The following CTNNA3 variants were observed in gnomAD, a reference collection of about 807,000 sequenced individuals.
The protein encoded by CTNNA3 is catenin alpha-3.
In CTNNA3, 76 loss-of-function variants were observed where a neutral mutation model predicts 95.7. The ratio of observed to expected loss-of-function variants is 0.79; its 90% CI spans 0.66 to 0.96. The LOEUF (loss-of-function observed/expected upper bound fraction) is 0.96. CTNNA3 is among the 40% of genes least tolerant of loss of function. CTNNA3 has a pLI of 0.00. For synonymous variants in CTNNA3, 431 were observed against 374.4 expected, an observed-to-expected ratio of 1.15 and a Z score of -1.74; for missense variants, 1,191 against 1,089.8, an observed-to-expected ratio of 1.09 and a Z score of -1.31.
chr10:67,525,032 A>G (rs776097415), intron 4 of CTNNA3, among the ~76,000 whole-genome samples: 3 of 152,190 alleles, frequency 2.0e-5, no homozygotes, highest in Non-Finnish European at 4.4e-5. Context: ...AAGTTGGGGA[A>G]AGGAAGCACA....
At chr10:67,204,160 T>A (rs1321412277) in intron 6 of CTNNA3, among the ~76,000 whole-genome samples, 1 of 152,152 alleles carries the variant, frequency 6.6e-6, no homozygotes, top group Non-Finnish European at 1.5e-5. Flanking sequence ...CTATGAAATG[T>A]CTTGATTCCT....
At chr10:66,825,768 T>C (rs530451541) in intron 7 of CTNNA3, among the ~76,000 whole-genome samples, 1 of 152,182 alleles carries the variant, frequency 6.6e-6, no homozygotes, top group Non-Finnish European at 1.5e-5. Flanking sequence ...CATCTCACTG[T>C]CCCAGGATTG....
intron 5 of CTNNA3, among the ~76,000 whole-genome samples, chr10:67,511,589 C>T (rs1412081828): frequency 2.0e-5 from 3 of 152,108 alleles, no homozygotes; most frequent in South Asian, 4.1e-4. Flanking sequence ...CTGCTGGATT[C>T]GGTTCACCAG....
chr10:66,747,725 G>A (rs1475258194), intron 9 of CTNNA3, among the ~76,000 whole-genome samples: 1 of 152,062 alleles, frequency 6.6e-6, no homozygotes, highest in Non-Finnish European at 1.5e-5. Flanking sequence ...AGTCACCTGG[G>A]CCTGTGATGA....
chr10:67,601,780 A>G lies in CTNNA3; in HGVS notation c.292+5077T>C, dbSNP rs148189872. Among the ~76,000 whole-genome samples, 405 of 152,318 alleles carry G rather than the reference A, an allele frequency of 2.7e-3. 1 individual carries two copies. The highest frequency in any genetic ancestry group is 0.01 in the Middle Eastern group (3 of 294). ...GTAAGCCATAAGATCATGAGTAACT[A>G]TAAGTATTACTTACAATGTGAACCA... On this transcript the variant is annotated intron_variant, in intron 3 of 17. Coordinates refer to ENST00000433211, the MANE Select transcript of CTNNA3 (RefSeq NM_013266.4).
intron 9 of CTNNA3, among the ~76,000 whole-genome samples, chr10:66,623,641 T>C (rs186325556): frequency 4.6e-5 from 7 of 152,216 alleles, no homozygotes; most frequent in African/African-American, 1.4e-4. Context: ...ACTCTTTTTG[T>C]CTTCATGTAT....
chr10:67,443,838 T>C (rs933746057), intron 5 of CTNNA3, among the ~76,000 whole-genome samples: 1 of 152,144 alleles, frequency 6.6e-6, no homozygotes, highest in Non-Finnish European at 1.5e-5. Flanking sequence ...TTGTTGCCAT[T>C]GCTTTTGGTG....
chr10:67,325,924 C>G (rs1841519407), intron 5 of CTNNA3, among the ~76,000 whole-genome samples: 1 of 151,814 alleles, frequency 6.6e-6, no homozygotes, highest in South Asian at 2.1e-4. Flanking sequence ...CTGGGTTGGG[C>G]ACATAGGTAT....
chr10:66,285,098 T>C (rs1331150663), intron 12 of CTNNA3, among the ~76,000 whole-genome samples: 2 of 151,698 alleles, frequency 1.3e-5, no homozygotes, highest in East Asian at 1.9e-4. Context: ...TGTCCCAAAG[T>C]ACTGACCTAC....
intron 5 of CTNNA3, among the ~76,000 whole-genome samples, chr10:67,484,972 T>A (rs1360264128): frequency 6.6e-6 from 1 of 152,110 alleles, no homozygotes; most frequent in Non-Finnish European, 1.5e-5. Flanking sequence ...ACTGAGTATA[T>A]AACCAAAAGA....
chr10:66,124,864 C>T (rs541134769), intron 13 of CTNNA3, among the ~76,000 whole-genome samples: 95 of 152,276 alleles, frequency 6.2e-4, no homozygotes, highest in Non-Finnish European at 1.1e-3. Context: ...CACTAGGTTC[C>T]TCCGATGACA....
Position 66,199,799 on chromosome 10 carries a change from ATATATATTTTT to A in CTNNA3, c.1884+80660_1884+80670del, listed in dbSNP as rs1564756444. Among the ~76,000 whole-genome samples the A allele has an allele frequency of 9.9e-3, 137 of 13,832 alleles. 5 individuals carry two copies. Among genetic ancestry groups the A allele is most frequent in the African/African-American group, 0.037 (127 of 3,420 alleles). The allele number at this position is 13,832 out of a possible 152,430, so 9.1% of individuals were successfully genotyped here. A position where few individuals can be genotyped will look rare whatever the true frequency, so the allele number is the denominator to read the frequency against. ...TATATATATATATATATATATATAT[ATATATATTTTT>A]TTTTTTTTTTTTTTTTTTTTTTTAG... On this transcript the variant is annotated intron_variant, in intron 13 of 17. Transcript: ENST00000433211.
At chr10:66,081,329 T>C (rs1303288586) in intron 14 of CTNNA3, among the ~76,000 whole-genome samples, 2 of 152,086 alleles carry the variant, frequency 1.3e-5, no homozygotes, top group Admixed American at 6.6e-5. Context: ...AGAAACAGGA[T>C]GTCCAGGCCT....
chr10:66,308,637 C>T (rs2091962846), intron 12 of CTNNA3, among the ~76,000 whole-genome samples: 1 of 152,118 alleles, frequency 6.6e-6, no homozygotes, highest in African/African-American at 2.4e-5. Context: ...TTTCCATTCA[C>T]ATTTGATATA....
At chr10:66,082,976 G>C (rs10822705) in intron 14 of CTNNA3, among the ~76,000 whole-genome samples, 7 of 151,768 alleles carry the variant, frequency 4.6e-5, no homozygotes, top group Admixed American at 4.6e-4. Flanking sequence ...CTCCCAACAC[G>C]GTGCAGCATA....
chr10:66,298,022 A>G (rs1194800498), intron 12 of CTNNA3, among the ~76,000 whole-genome samples: 1 of 152,228 alleles, frequency 6.6e-6, no homozygotes, highest in East Asian at 1.9e-4. Context: ...AATTTGTAAT[A>G]AACTGCATAT....
intron 17 of CTNNA3, among the ~76,000 whole-genome samples, chr10:65,942,681 T>C (rs115130992): frequency 1.3e-5 from 2 of 152,286 alleles, no homozygotes; most frequent in South Asian, 4.1e-4. Flanking sequence ...GAATAAGAAC[T>C]GAAAAAATAT....
chr10:66,619,104 C>T lies in CTNNA3; in HGVS notation c.1374+2588G>A, dbSNP rs577573935. On this transcript the variant is annotated intron_variant, in intron 10 of 17. Coordinates refer to ENST00000433211, the MANE Select transcript of CTNNA3 (RefSeq NM_013266.4). The stretch of plus-strand genomic sequence containing the variant: ...GTGGAGAAATAGGAACACTTTTACA[C>T]TGTTGGTGGGACTGTAAACTAGTTC... 6.5e-3 allele frequency among the ~76,000 whole-genome samples: 983 copies of T among 151,738 alleles called. 5 individuals are homozygous for T. Among genetic ancestry groups the T allele is most frequent in the African/African-American group, 0.022 (931 of 41,460 alleles).
intron 5 of CTNNA3, among the ~76,000 whole-genome samples, chr10:67,252,595 T>C (rs1866154905): frequency 6.6e-6 from 1 of 152,186 alleles, no homozygotes; most frequent in Admixed American, 6.5e-5. Flanking sequence ...CCCTTCTTCT[T>C]GTAATGATTT....
Sources: gnomAD v4.1 joint callset for allele counts (sites outside exome capture counted in the v4.1 genomes callset) on GRCh38, gnomAD v4.1.1 for gene constraint, MANE v1.5 for transcripts, NCBI Gene and HGNC (gene_info 2026-07-23, HGNC 2026-07-21) for gene names.